The following SLC17A1 variants were observed in gnomAD, a reference collection of about 807,000 sequenced individuals.
The protein encoded by SLC17A1 is sodium-dependent phosphate transport protein 1.
Under a neutral mutation model 53.5 loss-of-function variants are expected in SLC17A1, and 51 were observed. The ratio of observed to expected loss-of-function variants is 0.95; its 90% confidence interval spans 0.76 to 1.20. The LOEUF (loss-of-function observed/expected upper bound fraction) is 1.20, where lower values mean the gene tolerates loss of function less well. SLC17A1 is among the 50% of genes most tolerant of loss of function. SLC17A1 has a pLI of 0.00. For missense variants in SLC17A1, 538 were observed against 568.2 expected, an observed-to-expected ratio of 0.95 and a Z score of 0.54; for synonymous variants, 179 against 198.8, an observed-to-expected ratio of 0.90 and a Z score of 0.84.
At chr6:25,802,138 A>G (rs1763797141) in intron 10 of SLC17A1, among the ~76,000 whole-genome samples, 1 of 152,186 alleles carries the variant, frequency 6.6e-6, no homozygotes, top group African/African-American at 2.4e-5. Flanking sequence ...ATTAAAAATT[A>G]TATTTTATGA....
chr6:25,781,649 T>C (rs1328992628), downstream of SLC17A1, among the ~76,000 whole-genome samples: 1 of 151,716 alleles, frequency 6.6e-6, no homozygotes, highest in Non-Finnish European at 1.5e-5. Flanking sequence ...AGTGAAGGAG[T>C]GTAGGCCTGT....
At chr6:25,776,824 C>T in the SLC17A1 span, 2 of 1,613,992 alleles carry the variant, frequency 1.2e-6, no homozygotes, top group Non-Finnish European at 1.7e-6. Flanking sequence ...GTTCTCTTCC[C>T]ATCCGTGATC....
In SLC17A1 at chr6:25,800,919, A is replaced by G. The variant is rs1763738991; in HGVS notation, c.1240T>C (p.Ser414Pro). ...LTGMIGGLIA[S>P]TLTGLILKQD... ...TTAAGGATCAATCCAGTCAAAGTGG[A>G]AGCAATTAGTCCTCCTATCATTCCA... Residue 414 changes from serine (S) to proline (P), a missense_variant, in exon 11 of 13, where the codon TCC (serine) becomes CCC (proline). Physicochemically the swap from Ser to Pro is moderately conservative, Grantham distance 74. Transcript: ENST00000244527. 1.2e-6 allele frequency: 2 copies of G among 1,609,190 alleles called. No individual in the cohort carries two copies. The highest frequency in any genetic ancestry group is 2.7e-5 in the African/African-American group (2 of 74,826).
the SLC17A1 span, chr6:25,732,662 C>A: frequency 3.7e-6 from 5 of 1,336,816 alleles, no homozygotes; most frequent in East Asian, 3.2e-5. Context: ...GAAGAAGACC[C>A]GCATCATCCC....
chr6:25,732,700 C>A, the SLC17A1 span: 11 of 1,346,450 alleles, frequency 8.2e-6, no homozygotes, highest in Non-Finnish European at 1.0e-5. Context: ...CCATCCGCAA[C>A]GACAAGGAGC....
chr6:25,817,646 C>A (rs369062034), intron 6 of SLC17A1, among the ~76,000 whole-genome samples: 99 of 152,276 alleles, frequency 6.5e-4, no homozygotes, highest in African/African-American at 2.3e-3. Context: ...TGTCATTCAA[C>A]CCTTGATCAA....
chr6:25,726,525 C>G, the SLC17A1 span: 1 of 1,603,742 alleles, frequency 6.2e-7, no homozygotes, highest in Non-Finnish European at 8.5e-7. Context: ...CTCGTCCAGA[C>G]ATCTCCTCGC....
At chr6:25,770,370 A>C in the SLC17A1 span, 1 of 1,614,000 alleles carries the variant, frequency 6.2e-7, no homozygotes, top group South Asian at 1.1e-5. Flanking sequence ...CAAGAATGGA[A>C]TTTTTCCCCC....
At chr6:25,826,729 A>G in intron 2 of SLC17A1, 96 bp from the exon 3 acceptor site, 1 of 776,190 alleles carries the variant, frequency 1.3e-6, no homozygotes, top group Admixed American at 3.8e-5. Flanking sequence ...GGAGCCCTAG[A>G]TATTAATTTA....
chr6:25,793,109 A>G (rs779632538), intron 12 of SLC17A1, among the ~76,000 whole-genome samples: 5 of 152,122 alleles, frequency 3.3e-5, no homozygotes, highest in African/African-American at 7.2e-5. Context: ...CCACTTACAC[A>G]GTTTATCTCT....
intron 8 of SLC17A1, among the ~76,000 whole-genome samples, chr6:25,812,231 G>A (rs942378): frequency 0.28 from 42,312 of 152,068 alleles, 6,384 homozygotes; most frequent in African/African-American, 0.4. Context: ...CCCTAGGCTG[G>A]TTTACTGGAA....
the SLC17A1 span, chr6:25,777,891 C>T: frequency 2.6e-6 from 4 of 1,559,150 alleles, no homozygotes; most frequent in South Asian, 2.2e-5. Flanking sequence ...CGTAGGTATA[C>T]TTGGTTATAA....
At chr6:25,779,095 T>G, downstream of SLC17A1, 10 of 1,613,926 alleles carry the variant, frequency 6.2e-6, no homozygotes, top group Non-Finnish European at 8.5e-6. Flanking sequence ...TGCTTTCAGC[T>G]GCTGTTAACA....
At chr6:25,758,473 A>G in the SLC17A1 span, among the ~76,000 whole-genome samples, 31 of 152,262 alleles carry the variant, frequency 2.0e-4, no homozygotes, top group South Asian at 5.8e-3. Context: ...TACCCTCCCC[A>G]TTCCTTTGCA....
chr6:25,798,834 G>A lies in SLC17A1; in HGVS notation c.1355C>T (p.Thr452Ile), dbSNP rs1401306343. 3.1e-6 allele frequency: 5 copies of A among 1,610,302 alleles called. No homozygotes were observed. The highest frequency in any genetic ancestry group is 8.5e-7 in the Non-Finnish European group (1 of 1,177,522). ...TTTAGCCCAGTCCTGAATTTCTGCTGTAGCAACTATAAGGTAGAAAATTAG... is the reference window on the plus strand; with the variant it reads ...TTTAGCCCAGTCCTGAATTTCTGCTATAGCAACTATAAGGTAGAAAATTAG... ...TGLIFYLIVA[T>I]AEIQDWAKEK... Residue 452 changes from threonine to isoleucine, a missense_variant, in exon 12 of 13, where the codon ACA (threonine) becomes ATA (isoleucine). Coordinates refer to ENST00000244527, the MANE Select transcript of SLC17A1 (RefSeq NM_005074.5).
intron 12 of SLC17A1, among the ~76,000 whole-genome samples, chr6:25,793,699 GATTCTTA>G (rs1763549353): frequency 6.6e-6 from 1 of 152,044 alleles, no homozygotes; most frequent in Non-Finnish European, 1.5e-5. Context: ...AGATAGCAGG[GATTCTTA>G]ATCCAGGGTC....
At chr6:25,769,354 AC>A in the SLC17A1 span, among the ~76,000 whole-genome samples, 2 of 152,064 alleles carry the variant, frequency 1.3e-5, no homozygotes, top group African/African-American at 4.8e-5. Flanking sequence ...GGTGGCTCAC[AC>A]CTTTAGTCCC....
chr6:25,797,661 G>A (rs1311388621), intron 12 of SLC17A1, among the ~76,000 whole-genome samples: 1 of 151,530 alleles, frequency 6.6e-6, no homozygotes, highest in African/African-American at 2.4e-5. Flanking sequence ...CTAAAGTGCA[G>A]TGATCTCGGC....
intron 5 of SLC17A1, 146 bp downstream of exon 5, chr6:25,819,365 C>A: frequency 1.4e-6 from 1 of 738,838 alleles, no homozygotes; most frequent in South Asian, 1.8e-5. Context: ...CTATACAATT[C>A]TCTCATCTTC....
Sources: gnomAD v4.1 joint callset for allele counts (sites outside exome capture counted in the v4.1 genomes callset) on GRCh38, gnomAD v4.1.1 for gene constraint, MANE v1.5 for transcripts, NCBI Gene and HGNC (gene_info 2026-07-23, HGNC 2026-07-21) for gene names.